Variants in SGCZ observed in about 807,000 individuals in gnomAD.
The protein encoded by SGCZ is sarcoglycan zeta.
In SGCZ, 40 loss-of-function variants were observed where a neutral mutation model predicts 41.3. That is an observed-to-expected ratio of 0.97 (90% CI 0.75 to 1.26). SGCZ has a LOEUF of 1.26. Ranked by LOEUF, SGCZ falls within the 50% of genes most tolerant of loss-of-function variation. The pLI is 0.00. For synonymous variants in SGCZ, 206 were observed against 137.5 expected (o/e 1.50, Z -3.49); for missense variants, 552 against 369.8 (o/e 1.49, Z -4.04).
At chr8:15,220,698 A>C (rs2117183198) in intron 1 of SGCZ, among the ~76,000 whole-genome samples, 1 of 152,288 alleles carries the variant, frequency 6.6e-6, no homozygotes, top group Non-Finnish European at 1.5e-5. Context: ...ATTCTACTAT[A>C]AAGACACATG....
chr8:15,069,771 A>G (rs1027797730), intron 1 of SGCZ, among the ~76,000 whole-genome samples: 3 of 152,324 alleles, frequency 2.0e-5, no homozygotes, highest in East Asian at 1.9e-4. Flanking sequence ...AATATTCTAG[A>G]TTACTCATAC....
chr8:14,108,838 G>C (rs1026189543), intron 5 of SGCZ, among the ~76,000 whole-genome samples: 30 of 152,186 alleles, frequency 2.0e-4, no homozygotes, highest in African/African-American at 7.2e-4. Context: ...AAGTCAGTGA[G>C]TATTCCCACT....
At chr8:14,880,022 G>A (rs777304408) in intron 1 of SGCZ, among the ~76,000 whole-genome samples, 6 of 151,936 alleles carry the variant, frequency 3.9e-5, no homozygotes, top group Admixed American at 2.0e-4. Context: ...TGTATTTTTA[G>A]TAGAGACTGT....
At chr8:14,414,569 A>G (rs1189692459) in intron 2 of SGCZ, among the ~76,000 whole-genome samples, 6 of 152,022 alleles carry the variant, frequency 3.9e-5, no homozygotes, top group Non-Finnish European at 7.4e-5. Context: ...TTAACAAGTC[A>G]TGGAATTTAA....
At chr8:14,281,130 G>C (rs903993720) in intron 3 of SGCZ, among the ~76,000 whole-genome samples, 1 of 151,644 alleles carries the variant, frequency 6.6e-6, no homozygotes, top group African/African-American at 2.4e-5. Context: ...TTGATCACTA[G>C]CTCTAGAATT....
Position 14,237,665 on chromosome 8 carries a change from G to C in SGCZ, c.351C>G (p.Val117=). ...EIHSRKDSPL[V]LQSDRNVTVN... is the part of the protein sequence containing the mutation. ...CTGTGACATTCCTGTCAGACTGTAA[G>C]ACCAGCGGACTATCCTGGGAAACAT... is the stretch of plus-strand genomic sequence containing the variant. The change falls in exon 4 of 8, where the codon GTC becomes GTG. Residue 117 remains valine (V), a synonymous_variant. Transcript: ENST00000382080. 1 of 1,613,722 alleles carries C rather than the reference G, an allele frequency of 6.2e-7. No individual in the cohort carries two copies. The highest frequency in any genetic ancestry group is 2.2e-5 in the East Asian group (1 of 44,878).
chr8:14,538,637 A>C (rs530979333), intron 2 of SGCZ, among the ~76,000 whole-genome samples: 175 of 152,096 alleles, frequency 1.2e-3, no homozygotes, highest in African/African-American at 3.9e-3. Context: ...AGCATAACAC[A>C]ATAAGGCCTT....
At position 15,087,855 on chromosome 8, in the gene SGCZ, T is replaced by A. The variant is rs1462538403; in HGVS notation, c.39+149730A>T. Among the ~76,000 whole-genome samples the A allele has an allele frequency of 2.0e-5, 3 of 152,156 alleles. No homozygotes were observed. The East Asian group carries it at 5.8e-4, about 29-fold the overall frequency. On this transcript the variant is annotated intron_variant, in intron 1 of 7. Transcript: ENST00000382080. Reference sequence around the variant, plus strand: ...TAATCTAAAAACATTCCATTAAGAATATATAAGGCATAGTATGCATGTATT... The same window carrying A: ...TAATCTAAAAACATTCCATTAAGAAAATATAAGGCATAGTATGCATGTATT...
chr8:14,939,918 T>C (rs999673606), intron 1 of SGCZ, among the ~76,000 whole-genome samples: 1 of 152,176 alleles, frequency 6.6e-6, no homozygotes, highest in Non-Finnish European at 1.5e-5. Context: ...CTCTACCTAG[T>C]TTAATGGCAT....
chr8:14,165,309 A>C, intron 4 of SGCZ: 1 of 152,090 alleles, frequency 6.6e-6, no homozygotes, highest in African/African-American at 2.4e-5. Context: ...CCAATCAATA[A>C]TTTTCCTGAT....
At position 14,089,831 on chromosome 8, in the gene SGCZ, A is replaced by G. The variant is rs1249649226; in HGVS notation, c.*612T>C. On this transcript the variant is annotated 3_prime_UTR_variant, in exon 8 of 8. Transcript: ENST00000382080. Reference sequence around the variant, plus strand: ...CTAGACTTAGTAGACAAAGAGTAACAGCACATTGAAATTAAAGAAACAGAA... The same window carrying G: ...CTAGACTTAGTAGACAAAGAGTAACGGCACATTGAAATTAAAGAAACAGAA... 6.6e-6 allele frequency: 1 copy of G among 152,362 alleles called. No individual in the cohort carries two copies. The highest frequency in any genetic ancestry group is 1.5e-5 in the Non-Finnish European group (1 of 67,998). 9.4% of individuals were successfully genotyped at this position (152,362 alleles called of 1,614,324 possible).
intron 1 of SGCZ, among the ~76,000 whole-genome samples, chr8:14,942,355 G>C (rs1217945294): frequency 1.3e-5 from 2 of 152,118 alleles, no homozygotes; most frequent in Non-Finnish European, 2.9e-5. Context: ...TTCTTTCAGT[G>C]GTCTGAAGAA....
chr8:15,137,594 T>G (rs1808160849), intron 1 of SGCZ, among the ~76,000 whole-genome samples: 1 of 152,124 alleles, frequency 6.6e-6, no homozygotes, highest in Admixed American at 6.5e-5. Flanking sequence ...TGCTCCAGAC[T>G]TGGCTAAAAG....
chr8:14,846,985 T>C (rs1439493655), intron 1 of SGCZ, among the ~76,000 whole-genome samples: 1 of 151,944 alleles, frequency 6.6e-6, no homozygotes, highest in Non-Finnish European at 1.5e-5. Flanking sequence ...GGCAGGAGAA[T>C]TGCTTGAACC....
intron 1 of SGCZ, among the ~76,000 whole-genome samples, chr8:14,811,074 T>TA (rs1425192063): frequency 3.9e-5 from 6 of 152,042 alleles, no homozygotes; most frequent in Middle Eastern, 3.4e-3. Flanking sequence ...TAAGCTTATA[T>TA]AAAAAAAGTT....
intron 2 of SGCZ, among the ~76,000 whole-genome samples, chr8:14,379,398 A>C (rs1374449625): frequency 6.6e-6 from 1 of 152,198 alleles, no homozygotes; most frequent in African/African-American, 2.4e-5. Context: ...GCACAAGATA[A>C]TGTAGTTAGA....
intron 3 of SGCZ, among the ~76,000 whole-genome samples, chr8:14,295,210 G>A (rs7838948): frequency 0.52 from 78,583 of 151,888 alleles, 20,845 homozygotes; most frequent in African/African-American, 0.58. Flanking sequence ...AAATGAATAG[G>A]AAACTCTTTA....
intron 1 of SGCZ, among the ~76,000 whole-genome samples, chr8:14,946,005 C>CATATATATAT (rs34647526): frequency 3.4e-4 from 5 of 14,884 alleles, no homozygotes; most frequent in Non-Finnish European, 5.0e-4. Context: ...TAAATGTCCC[C>CATATATATAT]ATATATATAT....
At chr8:14,094,249 C>G (rs1475512446) in intron 7 of SGCZ, among the ~76,000 whole-genome samples, 1 of 152,050 alleles carries the variant, frequency 6.6e-6, no homozygotes, top group African/African-American at 2.4e-5. Flanking sequence ...CCAATCAACG[C>G]ATCATCTACT....
Sources: gnomAD v4.1 joint callset for allele counts (sites outside exome capture counted in the v4.1 genomes callset) on GRCh38, gnomAD v4.1.1 for gene constraint, MANE v1.5 for transcripts, NCBI Gene and HGNC (gene_info 2026-07-23, HGNC 2026-07-21) for gene names.